Variants in SUV39H2 observed in about 807,000 individuals in gnomAD.
SUV39H2 encodes histone-lysine N-methyltransferase SUV39H2.
A neutral mutation model predicts 47.5 loss-of-function variants in SUV39H2; 10 were observed. The observed-to-expected ratio is 0.21, with a 90% confidence interval of 0.13 to 0.36. SUV39H2 has a LOEUF of 0.36. SUV39H2 is among the 10% of genes least tolerant of loss of function. The pLI is 1.00. For missense variants in SUV39H2, 266 were observed against 487.4 expected (o/e 0.55, Z 4.28); for synonymous variants, 159 against 166.8 (o/e 0.95, Z 0.36).
intron 2 of SUV39H2, among the ~76,000 whole-genome samples, chr10:14,895,584 A>G (rs1833552521): frequency 6.6e-6 from 1 of 152,206 alleles, no homozygotes; most frequent in Non-Finnish European, 1.5e-5. Flanking sequence ...CTTGTTGCCA[A>G]GGCATCGTGG....
Position 14,897,370 on chromosome 10 carries a change from G to A in SUV39H2, c.702G>A (p.Gln234=), listed in dbSNP as rs751968771. The A allele has an allele frequency of 6.8e-6, 11 of 1,613,140 alleles. No individual in the cohort carries two copies. The highest frequency in any genetic ancestry group is 8.5e-6 in the Non-Finnish European group (10 of 1,179,916). The change falls in exon 3 of 6, where the codon CAG becomes CAA. Residue 234 remains glutamine, a synonymous_variant. Coordinates refer to ENST00000354919, the MANE Select transcript of SUV39H2 (RefSeq NM_001193424.2). ...TPIYECNSRC[Q]CGPDCPNRIV... ...TCTATGAATGCAACTCAAGGTGTCA[G>A]TGTGGTCCTGATTGTCCCAATAGGA...
In SUV39H2 at chr10:14,899,651, G is replaced by A. The variant is rs1331333840; in HGVS notation, c.962G>A (p.Arg321Gln). 7 of 1,613,860 alleles carry A rather than the reference G, an allele frequency of 4.3e-6. No homozygotes were observed. Among genetic ancestry groups the A allele is most frequent in the Non-Finnish European group, 5.1e-6 (6 of 1,179,976 alleles). ...ESDEFTVDAA[R>Q]YGNVSHFVNH... ...GATGAATTCACAGTGGATGCGGCTC[G>A]ATACGGCAATGTGTCTCATTTTGTG... Residue 321 changes from arginine (R) to glutamine (Q), a missense_variant, in exon 4 of 6, where the codon CGA becomes CAA. By Grantham distance (43) the Arg-to-Gln change is conservative. This residue lies in a region of SUV39H2 where 112 missense variants were observed against 271.9 expected (regional missense o/e 0.41). Transcript: ENST00000354919.
Position 14,903,890 on chromosome 10 carries a change from T to C in SUV39H2, c.*1378T>C, listed in dbSNP as rs1834181371. The C allele has an allele frequency of 6.6e-6, 1 of 152,224 alleles. No individual in the cohort carries two copies. The highest frequency in any genetic ancestry group is 2.1e-4 in the South Asian group (1 of 4,828). 9.4% of individuals were successfully genotyped at this position (152,224 alleles called of 1,614,324 possible). ...AATGCAGCACTTCTTAATCTTTAGC[T>C]CTTTCTTGGGAGAAGCTAGACTTTA... On this transcript the variant is annotated 3_prime_UTR_variant, in exon 6 of 6. Transcript: ENST00000354919.
Position 14,901,165 on chromosome 10 carries a change from C to T in SUV39H2, c.1029C>T (p.Phe343=). ...CAAATCTTCAGGTGTTCAATGTTTT[C>T]ATTGATAACCTCGATACTCGTCTTC... ...CDPNLQVFNV[F]IDNLDTRLPR... is the part of the protein sequence containing the mutation. Residue 343 remains phenylalanine, a synonymous_variant, in exon 5 of 6, where the codon TTC becomes TTT. Coordinates refer to ENST00000354919, the MANE Select transcript of SUV39H2 (RefSeq NM_001193424.2). The T allele has an allele frequency of 1.2e-6, 2 of 1,613,936 alleles. No individual in the cohort carries two copies. The highest frequency in any genetic ancestry group is 1.7e-6 in the Non-Finnish European group (2 of 1,179,916).
chr10:14,884,660 A>G (rs1421077545), intron 2 of SUV39H2, among the ~76,000 whole-genome samples: 1 of 152,132 alleles, frequency 6.6e-6, no homozygotes, highest in Non-Finnish European at 1.5e-5. Flanking sequence ...TGTGCCCCTC[A>G]GTGACCTTTT....
At chr10:14,885,102 G>A (rs1484652205) in intron 2 of SUV39H2, among the ~76,000 whole-genome samples, 1 of 151,892 alleles carries the variant, frequency 6.6e-6, no homozygotes, top group African/African-American at 2.4e-5. Flanking sequence ...CCCTGTTCTT[G>A]GCCTTCTCAC....
chr10:14,886,810 A>G (rs1328867266), intron 2 of SUV39H2, among the ~76,000 whole-genome samples: 2 of 151,926 alleles, frequency 1.3e-5, no homozygotes, highest in African/African-American at 2.4e-5. Context: ...GTGTAGATGT[A>G]TAAAAAGTGC....
At chr10:14,894,237 T>C (rs1328743588) in intron 2 of SUV39H2, among the ~76,000 whole-genome samples, 1 of 151,114 alleles carries the variant, frequency 6.6e-6, no homozygotes, top group African/African-American at 2.4e-5. Context: ...TTTTTTTTTT[T>C]TCCTGGAACC....
rs1833983810 is a variant in SUV39H2, at chr10:14,901,224, A to G, written c.1088A>G (p.Asn363Ser). 1 of 1,613,914 alleles carries G rather than the reference A, an allele frequency of 6.2e-7. No individual in the cohort carries two copies. The highest frequency in any genetic ancestry group is 1.3e-5 in the African/African-American group (1 of 74,920). ...RIALFSTRTI[N>S]AGEELTFDYQ... ...GCATTGTTTTCCACAAGAACCATAA[A>G]TGCTGGAGAAGAGCTGACTTTTGAT... Residue 363 changes from asparagine to serine, a missense_variant, in exon 5 of 6, where the codon AAT (asparagine) becomes AGT (serine). Coordinates refer to ENST00000354919, the MANE Select transcript of SUV39H2 (RefSeq NM_001193424.2).
rs188577260 is a variant in SUV39H2, at chr10:14,885,507, A to G, written c.177+3862A>G. ...TAGTTACTTACGGGTCTGTGCTTAC[A>G]TTAAGGGAGCTACCAAGATTCTTGT... On this transcript the variant is annotated intron_variant, in intron 2 of 5. Transcript: ENST00000354919. Among the ~76,000 whole-genome samples, 43 of 152,290 alleles carry G rather than the reference A, an allele frequency of 2.8e-4. No individual in the cohort carries two copies. The East Asian group carries it at 7.5e-3, about 27-fold the overall frequency.
intron 2 of SUV39H2, among the ~76,000 whole-genome samples, chr10:14,892,647 T>TTGCTACTTATTTCACATTAC (rs1833424609): frequency 6.6e-6 from 1 of 152,070 alleles, no homozygotes; most frequent in South Asian, 2.1e-4. Flanking sequence ...ATGCCTTAGG[T>TTGCTACTTATTTCACATTAC]TGCTACTTAT....
rs761538331 is a variant in SUV39H2, at chr10:14,897,240, G to A, written c.572G>A (p.Cys191Tyr). 6.2e-7 allele frequency: 1 copy of A among 1,613,898 alleles called. No homozygotes were observed. The highest frequency in any genetic ancestry group is 1.7e-5 in the Admixed American group (1 of 60,030). The change falls in exon 3 of 6, where the codon TGT (cysteine) becomes TAT (tyrosine). Residue 191 changes from cysteine (C) to tyrosine (Y), a missense_variant. Physicochemically the swap from Cys to Tyr is radical, Grantham distance 194 (BLOSUM62 -2). Transcript: ENST00000354919. ...TTAGTCAATGAAGCTACCTTTGGTT[G>A]TTCATGCACAGATTGCTTCTTTCAA... ...ISLVNEATFG[C>Y]SCTDCFFQKC...
At chr10:14,893,831 A>G (rs1833473191) in intron 2 of SUV39H2, among the ~76,000 whole-genome samples, 1 of 152,256 alleles carries the variant, frequency 6.6e-6, no homozygotes, top group Admixed American at 6.5e-5. Context: ...AAGATTAAAT[A>G]CAATTAATTA....
intron 3 of SUV39H2, 43 bp from the exon 4 acceptor site, chr10:14,899,496 G>C (rs1445563536): frequency 1.3e-6 from 2 of 1,599,026 alleles, no homozygotes; most frequent in South Asian, 1.1e-5. Flanking sequence ...ATGCTTCTTT[G>C]GTTCAGTAGC....
chr10:14,896,714 G>A, intron 2 of SUV39H2, 132 bp from the exon 3 acceptor site: 1 of 651,232 alleles, frequency 1.5e-6, no homozygotes, highest in Non-Finnish European at 2.5e-6. Context: ...TTAGGAACCT[G>A]TGACTACATG....
At chr10:14,880,758 G>A (rs2131667101) in intron 1 of SUV39H2, among the ~76,000 whole-genome samples, 1 of 152,300 alleles carries the variant, frequency 6.6e-6, no homozygotes. Context: ...AATTTTCTTT[G>A]AGTTTAGTAC....
chr10:14,885,764 CTTTCTT>C (rs1398058560), intron 2 of SUV39H2, among the ~76,000 whole-genome samples: 2 of 152,184 alleles, frequency 1.3e-5, no homozygotes, highest in Non-Finnish European at 1.5e-5. Context: ...TTCTCTTTCT[CTTTCTT>C]TTACAAATTC....
chr10:14,899,387 C>G, intron 3 of SUV39H2, 152 bp from the exon 4 acceptor site: 3 of 808,928 alleles, frequency 3.7e-6, no homozygotes, highest in South Asian at 1.6e-5. Flanking sequence ...CTCTTTGCAT[C>G]TGAGTCTTAG....
rs1485025872 is a variant in SUV39H2 at position 14,903,670 on chromosome 10, TG to T, written c.*1161del. ...TAGAATATATTAGTTTTCAAGGGAG[TG>T]GGAGGCTTCCAACATAGTATTGAAT... On this transcript the variant is annotated 3_prime_UTR_variant, in exon 6 of 6. Transcript: ENST00000354919. The T allele has an allele frequency of 1.3e-5, 2 of 152,070 alleles. No homozygotes were observed. The highest frequency in any genetic ancestry group is 4.8e-5 in the African/African-American group (2 of 41,400). The allele number at this position is 152,070 out of a possible 1,614,324, so 9.4% of individuals were successfully genotyped here.
Sources: gnomAD v4.1 joint callset for allele counts (sites outside exome capture counted in the v4.1 genomes callset) on GRCh38, gnomAD v4.1.1 for gene constraint, gnomAD v4.1.1 regional missense constraint, MANE v1.5 for transcripts, NCBI Gene and HGNC (gene_info 2026-07-23, HGNC 2026-07-21) for gene names.